NLRP5: variants seen among roughly 807,000 people sequenced by gnomAD.
NLRP5 encodes the protein NACHT, LRR and PYD domains-containing protein 5.
In NLRP5, 93 loss-of-function variants were observed where a neutral mutation model predicts 113.1. The ratio of observed to expected loss-of-function variants is 0.82; its 90% CI spans 0.70 to 0.98. NLRP5 has a LOEUF of 0.98. Among genes scored for constraint, NLRP5 ranks in the 50% least tolerant of loss-of-function variants. The probability of loss-of-function intolerance (pLI) is 0.00; values close to 1 mark genes in which losing one functional copy is unlikely to be tolerated. For synonymous variants in NLRP5, 751 were observed against 600.7 expected (o/e 1.25, Z -3.66); for missense variants, 1,808 against 1,514.3 (o/e 1.19, Z -3.22).
intron 9 of NLRP5, among the ~76,000 whole-genome samples, chr19:56,034,310 C>T (rs1225993931): frequency 9.2e-5 from 14 of 152,122 alleles, no homozygotes; most frequent in Admixed American, 3.3e-4. Flanking sequence ...CTCTTGAACC[C>T]GGCAGGCGGA....
At chr19:56,004,778 A>G (rs1435840902) in intron 2 of NLRP5, among the ~76,000 whole-genome samples, 3 of 152,002 alleles carry the variant, frequency 2.0e-5, no homozygotes, top group African/African-American at 7.2e-5. Context: ...CCCTTGACTG[A>G]GCCCTTGAAT....
At chr19:56,030,902 T>C (rs550779970) in intron 7 of NLRP5, among the ~76,000 whole-genome samples, 201 of 151,730 alleles carry the variant, frequency 1.3e-3, no homozygotes, top group Admixed American at 2.3e-3. Context: ...TTAGTAGAGA[T>C]GGGGTTTCAC....
At position 56,050,385 on chromosome 19, in the gene NLRP5, C is replaced by A. The variant is rs199475784; in HGVS notation, c.2958-33C>A. ...TGAGGCCATGCTGGGGAATGAGCAT[C>A]ACGATCTTCTTTCCCATGTGTGTGC... On this transcript the variant is annotated intron_variant, in intron 11 of 14. Transcript: ENST00000390649. 5 of 1,604,200 alleles carry A rather than the reference C, an allele frequency of 3.1e-6. No individual in the cohort carries two copies. The East Asian group carries it at 1.1e-4, about 36-fold the overall frequency.
the NLRP5 span, among the ~76,000 whole-genome samples, chr19:55,989,079 A>G: frequency 5.9e-5 from 9 of 152,214 alleles, no homozygotes; most frequent in African/African-American, 2.2e-4. Flanking sequence ...ATTTTGAGCA[A>G]TACAGCACAT....
Position 56,028,040 on chromosome 19 carries a change from A to G in NLRP5, c.1807A>G (p.Ile603Val), listed in dbSNP as rs753473963. ...GTACTACGTGTTAGAGGGCCTGGAA[A>G]TCGAGCCAGCTCTCTGCCCTCTGTA... The change falls in exon 7 of 15, where the codon ATC (isoleucine) becomes GTC (valine). Residue 603 changes from isoleucine (I) to valine (V), a missense_variant. Ile to Val is a conservative substitution (Grantham distance 29). Transcript: ENST00000390649. 1 of 1,613,998 alleles carries G rather than the reference A, an allele frequency of 6.2e-7. No homozygotes were observed. Among genetic ancestry groups the G allele is most frequent in the Non-Finnish European group, 8.5e-7 (1 of 1,179,874 alleles).
At chr19:56,011,260 G>A (rs1198437492) in intron 3 of NLRP5, among the ~76,000 whole-genome samples, 2 of 152,034 alleles carry the variant, frequency 1.3e-5, no homozygotes, top group Admixed American at 6.6e-5. Flanking sequence ...TATATTGAAT[G>A]ATTCCATTCA....
At chr19:56,047,077 A>G (rs3097875) in intron 11 of NLRP5, among the ~76,000 whole-genome samples, 143,726 of 152,138 alleles carry the variant, frequency 0.94, 68,093 homozygotes, top group Admixed American at 0.98. Flanking sequence ...GTTTTCAGTG[A>G]TGTCAGTTGT....
Position 56,058,247 on chromosome 19 carries a change from G to T in NLRP5, c.3307G>T (p.Ala1103Ser), listed in dbSNP as rs1984229018. 1.2e-6 allele frequency: 2 copies of T among 1,612,824 alleles called. No individual in the cohort carries two copies. Among genetic ancestry groups the T allele is most frequent in the Non-Finnish European group, 8.5e-7 (1 of 1,179,332 alleles). Residue 1103 changes from alanine to serine, a missense_variant, in exon 14 of 15, where the codon GCA becomes TCA. Ala to Ser is a moderately conservative substitution (Grantham distance 99, BLOSUM62 1). Transcript: ENST00000390649. The stretch of plus-strand genomic sequence containing the variant: ...GGTGTCCTGACCCTGCAGGTTGAAG[G>T]CATGTGGACTGACTTCTGATTGCTG...
the NLRP5 span, among the ~76,000 whole-genome samples, chr19:55,992,948 C>T: frequency 5.3e-4 from 80 of 152,024 alleles, no homozygotes; most frequent in Non-Finnish European, 1.0e-3. Context: ...CTCCCAGGTT[C>T]AAGCGATTCT....
intron 11 of NLRP5, among the ~76,000 whole-genome samples, chr19:56,043,605 G>A (rs559679321): frequency 4.3e-5 from 5 of 117,052 alleles, no homozygotes; most frequent in African/African-American, 6.6e-5. Context: ...TCGCTCTGTC[G>A]CCCAGGCTGC....
the NLRP5 span, among the ~76,000 whole-genome samples, chr19:55,993,149 CG>C: frequency 1.3e-5 from 2 of 151,806 alleles, no homozygotes; most frequent in East Asian, 3.9e-4. Flanking sequence ...GCGCCCGGCC[CG>C]AGTGATATTT....
At position 56,019,437 on chromosome 19, in the gene NLRP5, A is replaced by G. The variant is rs773078496; in HGVS notation, c.622+39A>G. 6.3e-6 allele frequency: 10 copies of G among 1,595,484 alleles called. No homozygotes were observed. The Admixed American group carries it at 1.5e-4, about 24-fold the overall frequency. On this transcript the variant is annotated intron_variant, in intron 5 of 14. Coordinates refer to ENST00000390649, the MANE Select transcript of NLRP5 (RefSeq NM_153447.4). ...ATGTATTCCTTGGTTGCCCTCCTGG[A>G]AGAAAGTTGGGTGAAAGAAGTGTAA...
chr19:56,040,067 C>A (rs889978058), intron 10 of NLRP5, among the ~76,000 whole-genome samples: 6 of 152,172 alleles, frequency 3.9e-5, no homozygotes, highest in African/African-American at 7.2e-5. Flanking sequence ...CCTCCTGCCT[C>A]AGCTTCCCAA....
At chr19:55,998,730 G>GTATA (rs1568478379), upstream of NLRP5, among the ~76,000 whole-genome samples, 1 of 116,154 alleles carries the variant, frequency 8.6e-6, no homozygotes, top group African/African-American at 3.2e-5. Flanking sequence ...ATATATATAT[G>GTATA]TGTATATATA....
At chr19:55,987,721 T>C in the NLRP5 span, 3 of 900,514 alleles carry the variant, frequency 3.3e-6, no homozygotes, top group Non-Finnish European at 5.5e-6. Context: ...GTACGGTCTG[T>C]AGAAAAAGCA....
At chr19:56,025,293 C>G (rs4995706) in intron 6 of NLRP5, among the ~76,000 whole-genome samples, 1 of 152,172 alleles carries the variant, frequency 6.6e-6, no homozygotes, top group Non-Finnish European at 1.5e-5. Flanking sequence ...TCCACAAAAC[C>G]GGTCCCTGGT....
the NLRP5 span, among the ~76,000 whole-genome samples, chr19:55,988,882 A>T: frequency 1.3e-5 from 2 of 152,152 alleles, no homozygotes; most frequent in Non-Finnish European, 2.9e-5. Flanking sequence ...ATTTCCATGT[A>T]TCCAGGTGGT....
chr19:56,048,561 G>A (rs974416104), intron 11 of NLRP5, among the ~76,000 whole-genome samples: 3 of 125,612 alleles, frequency 2.4e-5, no homozygotes, highest in African/African-American at 9.0e-5. Flanking sequence ...ATCCCTTCTG[G>A]CTTGCAGGGT....
chr19:56,035,279 TAGTA>T (rs1379653705), intron 9 of NLRP5, among the ~76,000 whole-genome samples: 1 of 152,210 alleles, frequency 6.6e-6, no homozygotes, highest in Non-Finnish European at 1.5e-5. Context: ...CATCGAAGAA[TAGTA>T]AGAAAGAAGA....
Sources: allele counts gnomAD v4.1 joint callset (sites outside exome capture counted in the v4.1 genomes callset), GRCh38; gene constraint gnomAD v4.1.1; transcripts MANE v1.5; gene names NCBI Gene and HGNC (gene_info 2026-07-23, HGNC 2026-07-21).